C6: variants seen among roughly 807,000 people sequenced by gnomAD.
The protein encoded by C6 is complement C6.
C6 carries 101 observed loss-of-function variants against 112.9 expected under a neutral mutation model. The observed-to-expected ratio is 0.89, with a 90% CI of 0.76 to 1.06. C6 has a LOEUF of 1.06. Ranked by LOEUF, C6 falls within the 50% of genes least tolerant of loss-of-function variation. C6 has a pLI of 0.00. For missense variants in C6, 1,202 were observed against 1,104.6 expected, an observed-to-expected ratio of 1.09 and a Z score of -1.25; for synonymous variants, 431 against 384.1, an observed-to-expected ratio of 1.12 and a Z score of -1.43.
In C6 at chr5:41,172,763, C is replaced by T. The variant is rs540714207; in HGVS notation, c.1169-416G>A. On this transcript the variant is annotated intron_variant, in intron 8 of 17. Coordinates refer to ENST00000337836, the MANE Select transcript of C6 (RefSeq NM_000065.5). ...TCAAAAGATTATGACGTGCTCTGAT[C>T]TGTTCTCTACTCCAAGACCTACTTT... The T allele has an allele frequency of 1.8e-5, 4 of 226,456 alleles. No individual in the cohort carries two copies. In the South Asian group the frequency reaches 2.0e-4, roughly 12 times the overall value. 14.0% of individuals were successfully genotyped at this position (226,456 alleles called of 1,614,324 possible). A position where few individuals can be genotyped will look rare whatever the true frequency, so the allele number is the denominator to read the frequency against.
Position 41,161,795 on chromosome 5 carries a change from TC to T in C6, c.1355del (p.Gly452GlufsTer22), listed in dbSNP as rs1561111907. On this transcript the variant is annotated frameshift_variant, in exon 10 of 18. Transcript: ENST00000337836. LOFTEE classifies it high-confidence loss of function. ...TCCCTTTCTCCCATGCCAAAGCTGC[TC>T]CATATTCACTCCTTCCACCTCGAAT... ...SLIRGGRSEYGAALAWEKGSS... is the reference protein window; with the variant it reads ...SLIRGGRSEYXAALAWEKGSS... The T allele has an allele frequency of 6.2e-7, 1 of 1,613,678 alleles. No individual in the cohort carries two copies. The highest frequency in any genetic ancestry group is 1.1e-5 in the South Asian group (1 of 91,078).
At chr5:41,196,103 T>A (rs1299008234) in intron 4 of C6, among the ~76,000 whole-genome samples, 170 bp from the exon 5 acceptor site, 4 of 152,164 alleles carry the variant, frequency 2.6e-5, no homozygotes, top group Non-Finnish European at 4.4e-5. Flanking sequence ...AACTGATAAA[T>A]TTCCACTTGT....
rs1801033 is a variant in C6, at chr5:41,199,857, G to T, written c.356C>A (p.Ala119Glu). ...GCATGGTTGAAAGGCTACCAGAGGC[G>T]CAGTGCATGGCTGTCCCCCAAACTG... is the stretch of plus-strand genomic sequence containing the variant. ...PSQFGGQPCT[A>E]PLVAFQPCIP... The change falls in exon 4 of 18, where the codon GCG becomes GAG. Residue 119 changes from alanine (A) to glutamate (E), a missense_variant. Physicochemically the swap from Ala to Glu is moderately radical, Grantham distance 107. Coordinates refer to ENST00000337836, the MANE Select transcript of C6 (RefSeq NM_000065.5). 998,605 of 1,612,364 alleles carry T rather than the reference G, an allele frequency of 0.62. 311,169 individuals are homozygous for T. Among genetic ancestry groups the T allele is most frequent in the Non-Finnish European group, 0.64 (751,257 of 1,178,708 alleles).
intron 3 of C6, among the ~76,000 whole-genome samples, chr5:41,200,797 G>A (rs1750954584): frequency 6.6e-6 from 1 of 151,892 alleles, no homozygotes; most frequent in Non-Finnish European, 1.5e-5. Flanking sequence ...TGTAGAGGAA[G>A]GGCAAGGAGT....
At chr5:41,173,586 A>T (rs887277365) in intron 8 of C6, among the ~76,000 whole-genome samples, 1 of 152,182 alleles carries the variant, frequency 6.6e-6, no homozygotes, top group Non-Finnish European at 1.5e-5. Context: ...CTGTTAATAT[A>T]AGCTCTTAAG....
intron 1 of C6, among the ~76,000 whole-genome samples, chr5:41,211,174 G>C (rs1751892361): frequency 6.6e-6 from 1 of 152,094 alleles, no homozygotes; most frequent in South Asian, 2.1e-4. Flanking sequence ...ACTTATAGGT[G>C]GGAATTGAAC....
rs982276270 is a variant in C6 at position 41,159,113 on chromosome 5, C to T, written c.1825G>A (p.Glu609Lys). The T allele has an allele frequency of 3.1e-6, 5 of 1,613,612 alleles. No individual in the cohort carries two copies. In the African/African-American group the frequency reaches 4.0e-5, roughly 13 times the overall value. ...TCCATGATTGAAAATGTGCAGTCTTCCTCTTGTCGCTTCTCCCCCTCACAG... is the reference window on the plus strand; with the variant it reads ...TCCATGATTGAAAATGTGCAGTCTTTCTCTTGTCGCTTCTCCCCCTCACAG... The part of the protein sequence containing the change: ...KRCEGEKRQE[E>K]DCTFSIMENN... Residue 609 changes from glutamate to lysine, a missense_variant, in exon 12 of 18, where the codon GAA becomes AAA. Coordinates refer to ENST00000337836, the MANE Select transcript of C6 (RefSeq NM_000065.5).
intron 15 of C6, among the ~76,000 whole-genome samples, chr5:41,153,406 A>G (rs1436822768): frequency 6.6e-6 from 1 of 152,202 alleles, no homozygotes; most frequent in Non-Finnish European, 1.5e-5. Context: ...TCTGAAGTCT[A>G]TGGCTTCCAC....
intron 5 of C6, among the ~76,000 whole-genome samples, chr5:41,194,469 C>T (rs1024555412): frequency 2.0e-5 from 3 of 152,016 alleles, no homozygotes; most frequent in Non-Finnish European, 2.9e-5. Context: ...CTGGTGTCCT[C>T]GGGTTTGGTT....
intron 3 of C6, among the ~76,000 whole-genome samples, chr5:41,201,288 G>T (rs546592760): frequency 1.3e-5 from 2 of 152,154 alleles, no homozygotes; most frequent in South Asian, 4.1e-4. Context: ...TTCTCAGAAG[G>T]CACAGGCAGT....
intron 1 of C6, among the ~76,000 whole-genome samples, chr5:41,249,936 G>A (rs1741244028): frequency 6.6e-6 from 1 of 152,158 alleles, no homozygotes; most frequent in Admixed American, 6.6e-5. Context: ...AGGAAAACAT[G>A]GATGGACAGC....
At chr5:41,191,403 T>G (rs1253568461) in intron 5 of C6, among the ~76,000 whole-genome samples, 1 of 152,194 alleles carries the variant, frequency 6.6e-6, no homozygotes, top group East Asian at 1.9e-4. Flanking sequence ...TAAGGTTTTT[T>G]GTGGTTCCAT....
At chr5:41,206,771 G>A (rs1246761965) in intron 1 of C6, among the ~76,000 whole-genome samples, 1 of 152,226 alleles carries the variant, frequency 6.6e-6, no homozygotes, top group African/African-American at 2.4e-5. Flanking sequence ...GAAAGTGACA[G>A]GGCGAGTGGA....
At chr5:41,173,313 A>G (rs1284618366) in intron 8 of C6, among the ~76,000 whole-genome samples, 1 of 152,162 alleles carries the variant, frequency 6.6e-6, no homozygotes, top group Non-Finnish European at 1.5e-5. Context: ...TGGGCATCTG[A>G]ACCACTCCCA....
chr5:41,146,302 G>A (rs901696706), intron 17 of C6, among the ~76,000 whole-genome samples: 2 of 152,132 alleles, frequency 1.3e-5, no homozygotes, highest in African/African-American at 4.8e-5. Flanking sequence ...TTACTTTGAA[G>A]TTCTATTTTA....
At chr5:41,220,701 C>A (rs1352214343) in intron 1 of C6, among the ~76,000 whole-genome samples, 1 of 152,028 alleles carries the variant, frequency 6.6e-6, no homozygotes, top group African/African-American at 2.4e-5. Context: ...TTCTTTGGAT[C>A]GCTAATTTTT....
intron 1 of C6, among the ~76,000 whole-genome samples, chr5:41,239,862 A>C (rs888001300): frequency 2.0e-5 from 3 of 152,148 alleles, no homozygotes; most frequent in Non-Finnish European, 4.4e-5. Flanking sequence ...CATTTATGAA[A>C]GGTAACTTTG....
At chr5:41,147,539 C>T (rs1000632829) in intron 17 of C6, among the ~76,000 whole-genome samples, 18 of 152,168 alleles carry the variant, frequency 1.2e-4, no homozygotes, top group African/African-American at 4.3e-4. Flanking sequence ...TAAGACCTCT[C>T]CCCTTTCCAG....
rs781750932 is a variant in C6, at chr5:41,199,885, T to A, written c.328A>T (p.Ser110Cys). The change falls in exon 4 of 18, where the codon AGT becomes TGT. Residue 110 changes from serine to cysteine, a missense_variant. Physicochemically the swap from Ser to Cys is moderately radical, Grantham distance 112 (BLOSUM62 -1). Transcript: ENST00000337836. Reference protein sequence around the residue: ...QSKVRSVLRPSQFGGQPCTAP... With the variant: ...QSKVRSVLRPCQFGGQPCTAP... The stretch of plus-strand genomic sequence containing the variant: ...GTGCATGGCTGTCCCCCAAACTGAC[T>A]GGGACGCAAGACAGATCTAACTTTA... The A allele has an allele frequency of 6.2e-7, 1 of 1,613,702 alleles. No homozygotes were observed. The highest frequency in any genetic ancestry group is 1.1e-5 in the South Asian group (1 of 91,080).
Sources: allele counts gnomAD v4.1 joint callset (sites outside exome capture counted in the v4.1 genomes callset), GRCh38; gene constraint gnomAD v4.1.1; transcripts MANE v1.5; gene names NCBI Gene and HGNC (gene_info 2026-07-23, HGNC 2026-07-21).